The following PCYT1B variants were observed in gnomAD, a reference collection of about 807,000 sequenced individuals.
PCYT1B encodes the protein phosphate cytidylyltransferase 1B, choline, also known as choline-phosphate cytidylyltransferase B.
Under a neutral mutation model 26.4 loss-of-function variants are expected in PCYT1B, and 10 were observed. The observed-to-expected ratio is 0.38, with a 90% confidence interval of 0.23 to 0.64. PCYT1B has a LOEUF of 0.64. Among genes scored for constraint, PCYT1B ranks in the 30% least tolerant of loss-of-function variants. The pLI, the probability that PCYT1B is intolerant of heterozygous loss-of-function variation, is 0.56. For synonymous variants in PCYT1B, 131 were observed against 108.4 expected (o/e 1.21, Z -1.29); for missense variants, 161 against 292.7 (o/e 0.55, Z 3.28).
intron 1 of PCYT1B, among the ~76,000 whole-genome samples, chrX:24,652,911 CA>C (rs1428768340): frequency 1.8e-5 from 2 of 111,408 alleles, no homozygotes; most frequent in Admixed American, 1.9e-4. Flanking sequence ...TGATGAAACC[CA>C]GTCTCTATTA....
At chrX:24,635,694 C>T (rs1238431493) in intron 1 of PCYT1B, among the ~76,000 whole-genome samples, 1 of 111,859 alleles carries the variant, frequency 8.9e-6, no homozygotes, top group Non-Finnish European at 1.9e-5. Flanking sequence ...TTTCCTGACT[C>T]TTTGTCTATT....
chrX:24,613,387 C>T (rs1925369508), intron 2 of PCYT1B, among the ~76,000 whole-genome samples: 1 of 111,555 alleles, frequency 9.0e-6, no homozygotes, highest in African/African-American at 3.2e-5. Context: ...TTATCATTAG[C>T]CATTGCTACT....
Position 24,561,770 on chromosome X carries a change from G to A in PCYT1B, c.*523C>T, listed in dbSNP as rs61762693. On this transcript the variant is annotated 3_prime_UTR_variant, in exon 8 of 8. Transcript: ENST00000379144. ...AGGAGCTGATGCGTTCCAACATCAGGTCTCAGTGGCTGGACTGAGGAGGTT... is the reference window on the plus strand; with the variant it reads ...AGGAGCTGATGCGTTCCAACATCAGATCTCAGTGGCTGGACTGAGGAGGTT... 3 of 296,727 alleles carry A rather than the reference G, an allele frequency of 1.0e-5. No homozygotes were observed. Among genetic ancestry groups the A allele is most frequent in the African/African-American group, 2.7e-5 (1 of 37,673 alleles). The allele number at this position is 296,727 out of a possible 1,213,427, so 24.5% of individuals were successfully genotyped here.
intron 1 of PCYT1B, among the ~76,000 whole-genome samples, 161 bp downstream of exon 1, chrX:24,646,828 A>G: frequency 8.9e-6 from 1 of 112,032 alleles, no homozygotes; most frequent in Middle Eastern, 4.6e-3. Context: ...AGCGCCCGGT[A>G]TAGAAGCTAA....
intron 5 of PCYT1B, among the ~76,000 whole-genome samples, chrX:24,580,386 G>T (rs1011548346): frequency 8.9e-6 from 1 of 111,878 alleles, no homozygotes; most frequent in Admixed American, 9.5e-5. Flanking sequence ...AAGGAAGTCT[G>T]CTCACATTAT....
intron 1 of PCYT1B, among the ~76,000 whole-genome samples, chrX:24,661,177 A>G (rs1233269263): frequency 8.9e-6 from 1 of 112,355 alleles, no homozygotes; most frequent in Non-Finnish European, 1.9e-5. Context: ...TTTTCAATGC[A>G]TGAGTTCATA....
chrX:24,575,160 G>A lies in PCYT1B; in HGVS notation c.867C>T (p.Phe289=), dbSNP rs768310237. 13 of 1,207,176 alleles carry A rather than the reference G, an allele frequency of 1.1e-5. No homozygotes were observed. The Admixed American group carries it at 2.9e-4, about 27-fold the overall frequency. The part of the protein sequence containing the change: ...EEKSREFIGN[F]LELFGPDGAW... ...CTCCATCAGGTCCAAACAGTTCTAG[G>A]AAGTTGCCAATGAATTCCCTTGACT... Residue 289 remains phenylalanine, a synonymous_variant, in exon 7 of 8, where the codon TTC becomes TTT. Transcript: ENST00000379144.
chrX:24,651,495 A>G, upstream of PCYT1B, among the ~76,000 whole-genome samples: 1 of 81,215 alleles, frequency 1.2e-5, no homozygotes, highest in Non-Finnish European at 2.4e-5. Context: ...ATATATATAT[A>G]TATATATATA....
chrX:24,663,924 C>G (rs1047419300), intron 1 of PCYT1B, among the ~76,000 whole-genome samples: 30 of 109,682 alleles, frequency 2.7e-4, no homozygotes, highest in Non-Finnish European at 5.7e-5. Context: ...GTCTCAAAAA[C>G]AAAACAAAAC....
chrX:24,664,009 A>C (rs768702745), intron 1 of PCYT1B, among the ~76,000 whole-genome samples: 1 of 111,359 alleles, frequency 9.0e-6, no homozygotes, highest in South Asian at 3.9e-4. Flanking sequence ...TATATGGTGA[A>C]TTCAGTAGTT....
At chrX:24,562,673 G>A (rs1309085425) in intron 7 of PCYT1B, among the ~76,000 whole-genome samples, 168 bp from the exon 8 acceptor site, 1 of 110,561 alleles carries the variant, frequency 9.0e-6, no homozygotes, top group East Asian at 2.8e-4. Context: ...GTAAGGAACC[G>A]AGTGATATTC....
At chrX:24,659,193 G>A (rs952949355) in intron 1 of PCYT1B, among the ~76,000 whole-genome samples, 1 of 111,735 alleles carries the variant, frequency 8.9e-6, no homozygotes, top group Non-Finnish European at 1.9e-5. Context: ...TAGCCTTCAC[G>A]TTGAAAGCTT....
chrX:24,605,123 T>C (rs912827087), intron 3 of PCYT1B, among the ~76,000 whole-genome samples: 1 of 112,017 alleles, frequency 8.9e-6, no homozygotes, highest in Non-Finnish European at 1.9e-5. Context: ...GGATTTCTTA[T>C]TGAAATTTTT....
intron 6 of PCYT1B, among the ~76,000 whole-genome samples, chrX:24,575,746 G>C (rs1442031076): frequency 8.9e-6 from 1 of 112,278 alleles, no homozygotes; most frequent in Non-Finnish European, 1.9e-5. Flanking sequence ...TGTTTTACTG[G>C]GATATGGTTA....
chrX:24,592,253 G>C (rs1191068879), intron 3 of PCYT1B, among the ~76,000 whole-genome samples: 1 of 112,114 alleles, frequency 8.9e-6, no homozygotes, highest in Non-Finnish European at 1.9e-5. Flanking sequence ...GACACAGGAA[G>C]ACAAATACTG....
At chrX:24,665,921 A>G (rs1039061866) in intron 1 of PCYT1B, among the ~76,000 whole-genome samples, 4 of 110,393 alleles carry the variant, frequency 3.6e-5, no homozygotes, top group Non-Finnish European at 5.7e-5. Context: ...TAGAAGGTTG[A>G]GTCTGCCATC....
chrX:24,589,810 G>GT (rs1430528426), intron 4 of PCYT1B, among the ~76,000 whole-genome samples: 1 of 111,311 alleles, frequency 9.0e-6, no homozygotes, highest in African/African-American at 3.3e-5. Flanking sequence ...GACCTGGGCG[G>GT]TTTAGATCCA....
intron 1 of PCYT1B, among the ~76,000 whole-genome samples, chrX:24,630,288 TTTTG>T (rs1292446988): frequency 1.8e-5 from 2 of 111,394 alleles, no homozygotes; most frequent in East Asian, 5.6e-4. Context: ...TTTTGATGTT[TTTTG>T]TTTGTTTGTT....
chrX:24,669,628 T>G (rs769817839), intron 1 of PCYT1B, among the ~76,000 whole-genome samples: 58 of 110,578 alleles, frequency 5.2e-4, no homozygotes, highest in African/African-American at 1.5e-3. Flanking sequence ...AGCGGCTACC[T>G]TATTCAACAG....
Sources: allele counts gnomAD v4.1 joint callset (sites outside exome capture counted in the v4.1 genomes callset), GRCh38; gene constraint gnomAD v4.1.1; transcripts MANE v1.5; gene names NCBI Gene and HGNC (gene_info 2026-07-23, HGNC 2026-07-21).